The following COX4I1 variants were observed in gnomAD, a reference collection of about 807,000 sequenced individuals.
COX4I1 encodes cytochrome c oxidase subunit 4I1, also known as cytochrome c oxidase subunit 4 isoform 1, mitochondrial.
A neutral mutation model predicts 21.7 loss-of-function variants in COX4I1; 18 were observed. The ratio of observed to expected loss-of-function variants is 0.83; its 90% CI spans 0.57 to 1.23. The LOEUF (loss-of-function observed/expected upper bound fraction) is 1.23. Among genes scored for constraint, COX4I1 ranks in the 50% most tolerant of loss-of-function variants. The pLI is 0.00. For synonymous variants in COX4I1, 100 were observed against 81.5 expected (o/e 1.23, Z -1.23); for missense variants, 238 against 220.7 (o/e 1.08, Z -0.50).
chr16:85,800,969 A>G (rs1905690761), intron 1 of COX4I1, among the ~76,000 whole-genome samples: 1 of 152,118 alleles, frequency 6.6e-6, no homozygotes, highest in African/African-American at 2.4e-5. Context: ...AATTACCTGA[A>G]GCGCGTATAT....
intron 2 of COX4I1, chr16:85,804,669 T>C: frequency 3.0e-6 from 1 of 332,524 alleles, no homozygotes. Context: ...CAGGTAACTG[T>C]TAATGTAGGA....
At chr16:85,801,054 T>G in intron 1 of COX4I1, 151 bp from the exon 2 acceptor site, 1 of 582,664 alleles carries the variant, frequency 1.7e-6, no homozygotes, top group Non-Finnish European at 3.1e-6. Flanking sequence ...CCTAGGTCAT[T>G]TTGTGAATTC....
chr16:85,802,737 TTCTC>T (rs1273055207), intron 2 of COX4I1, among the ~76,000 whole-genome samples: 3 of 152,182 alleles, frequency 2.0e-5, no homozygotes, highest in African/African-American at 7.2e-5. Flanking sequence ...GTCTTTGTTT[TTCTC>T]TCTCTCTAAA....
At chr16:85,801,346 G>C in intron 2 of COX4I1, 68 bp downstream of exon 2, 1 of 1,400,474 alleles carries the variant, frequency 7.1e-7, no homozygotes, top group Non-Finnish European at 1.0e-6. Context: ...TGTGTATAAA[G>C]CCCTGTGCTG....
chr16:85,805,338 T>C (rs1906106064), intron 3 of COX4I1: 2 of 543,538 alleles, frequency 3.7e-6, no homozygotes, highest in Admixed American at 7.0e-5. Context: ...TGAGTGGAGG[T>C]AGCCTCTCAG....
chr16:85,803,702 T>C (rs1905941961), intron 2 of COX4I1: 1 of 152,266 alleles, frequency 6.6e-6, no homozygotes, highest in Non-Finnish European at 1.5e-5. Context: ...GTATAACAGT[T>C]TGTGGCTTGC....
chr16:85,800,112 C>T (rs988875903), intron 1 of COX4I1, among the ~76,000 whole-genome samples: 2 of 152,332 alleles, frequency 1.3e-5, no homozygotes, highest in East Asian at 1.9e-4. Flanking sequence ...CCTGTGCAAC[C>T]CCTCCCGGGT....
intron 2 of COX4I1, among the ~76,000 whole-genome samples, chr16:85,802,537 A>T (rs1304269195): frequency 2.1e-5 from 1 of 46,566 alleles, no homozygotes; most frequent in Admixed American, 3.2e-4. Flanking sequence ...TGAATAATAC[A>T]TGAATGTGTT....
At chr16:85,802,927 C>G (rs968467642) in intron 2 of COX4I1, 5 of 152,140 alleles carry the variant, frequency 3.3e-5, no homozygotes, top group Admixed American at 6.5e-5. Flanking sequence ...GCTTTTTCCC[C>G]CCAGTCTCCC....
At chr16:85,800,360 G>A (rs930202129) in intron 1 of COX4I1, among the ~76,000 whole-genome samples, 37 of 152,254 alleles carry the variant, frequency 2.4e-4, no homozygotes, top group African/African-American at 8.7e-4. Context: ...GGGCCCGGGT[G>A]AGGGGGGGTC....
At chr16:85,805,489 T>A in intron 3 of COX4I1, 1 of 583,394 alleles carries the variant, frequency 1.7e-6, no homozygotes, top group Non-Finnish European at 3.0e-6. Flanking sequence ...GAAATAATTT[T>A]GCAGTTTTAA....
Position 85,805,863 on chromosome 16 carries a change from T to C in COX4I1, c.372T>C (p.Tyr124=), listed in dbSNP as rs1372852223. 3.1e-6 allele frequency: 5 copies of C among 1,614,110 alleles called. No individual in the cohort carries two copies. Among genetic ancestry groups the C allele is most frequent in the Non-Finnish European group, 4.2e-6 (5 of 1,179,996 alleles). ...TALVIMWQKH[Y]VYGPLPQSFD... is the part of the protein sequence containing the mutation. ...TCGTTATCATGTGGCAGAAGCACTA[T>C]GGTGAGTAGAGAGGGAGGAAGGCAT... Residue 124 remains tyrosine (Y), a splice_region_variant and synonymous_variant, in exon 4 of 5, where the codon TAT becomes TAC. Transcript: ENST00000253452.
chr16:85,802,548 C>T (rs1305551464), intron 2 of COX4I1, among the ~76,000 whole-genome samples: 1 of 7,398 alleles, frequency 1.4e-4, no homozygotes, highest in Non-Finnish European at 5.7e-3. Flanking sequence ...TGAATGTGTT[C>T]TCAACATAAG....
At chr16:85,806,090 T>G in intron 4 of COX4I1, 2 of 633,660 alleles carry the variant, frequency 3.2e-6, no homozygotes, top group Non-Finnish European at 5.4e-6. Context: ...GCTTGTTGGG[T>G]GGTGAAATAC....
chr16:85,800,927 CCTT>C (rs1905684624), intron 1 of COX4I1, among the ~76,000 whole-genome samples: 1 of 152,140 alleles, frequency 6.6e-6, no homozygotes, highest in Non-Finnish European at 1.5e-5. Context: ...CCCGGCCTCT[CCTT>C]GTTTTTTTAA....
At chr16:85,805,227 T>C in intron 3 of COX4I1, 123 bp downstream of exon 3, 1 of 1,052,732 alleles carries the variant, frequency 9.5e-7, no homozygotes, top group Non-Finnish European at 1.3e-6. Context: ...GTTGCTCTGC[T>C]GGGTTTCGGG....
intron 3 of COX4I1, chr16:85,805,461 A>T (rs778929967): frequency 1.0e-5 from 6 of 575,028 alleles, no homozygotes; most frequent in Non-Finnish European, 1.9e-5. Context: ...ATAGACCCTA[A>T]TACTGTAATT....
intron 4 of COX4I1, chr16:85,806,394 G>A (rs954082912): frequency 5.8e-6 from 4 of 685,668 alleles, no homozygotes; most frequent in South Asian, 1.5e-5. Context: ...GTATATTCTC[G>A]TACTTTTGGT....
At chr16:85,802,396 C>G (rs1265435475) in intron 2 of COX4I1, among the ~76,000 whole-genome samples, 1 of 152,194 alleles carries the variant, frequency 6.6e-6, no homozygotes, top group African/African-American at 2.4e-5. Flanking sequence ...AGAGTGTAAG[C>G]CTTTTGAGGC....
Sources: allele counts gnomAD v4.1 joint callset (sites outside exome capture counted in the v4.1 genomes callset), GRCh38; gene constraint gnomAD v4.1.1; transcripts MANE v1.5; gene names NCBI Gene and HGNC (gene_info 2026-07-23, HGNC 2026-07-21).